TNS3: variants seen among roughly 807,000 people sequenced by gnomAD.
TNS3 encodes the protein tensin-3.
A neutral mutation model predicts 140.9 loss-of-function variants in TNS3; 45 were observed. The ratio of observed to expected loss-of-function variants is 0.32; its 90% CI spans 0.25 to 0.41. The LOEUF is 0.41. TNS3 is among the 10% of genes least tolerant of loss of function. The pLI is 1.00. For synonymous variants in TNS3, 815 were observed against 788.4 expected, an observed-to-expected ratio of 1.03 and a Z score of -0.56; for missense variants, 1,716 against 1,906.7, an observed-to-expected ratio of 0.90 and a Z score of 1.86.
intron 3 of TNS3, among the ~76,000 whole-genome samples, chr7:47,482,020 G>C (rs1797438467): frequency 6.6e-6 from 1 of 152,216 alleles, no homozygotes; most frequent in East Asian, 1.9e-4. Context: ...GGCTAAGGGA[G>C]CCAGGCAGGC....
intron 10 of TNS3, among the ~76,000 whole-genome samples, chr7:47,419,992 T>C (rs1184791909): frequency 6.6e-6 from 1 of 152,196 alleles, no homozygotes. Flanking sequence ...CTGCATGAAT[T>C]AAACTCTTTC....
chr7:47,360,270 C>T (rs1275830647), intron 17 of TNS3, among the ~76,000 whole-genome samples: 2 of 152,132 alleles, frequency 1.3e-5, no homozygotes, highest in Admixed American at 6.5e-5. Context: ...CCTAAAGCAT[C>T]GGGGTCTGAA....
intron 3 of TNS3, among the ~76,000 whole-genome samples, chr7:47,501,903 A>C (rs546136326): frequency 5.3e-5 from 8 of 152,292 alleles, no homozygotes; most frequent in African/African-American, 1.9e-4. Context: ...GATGCAGCCC[A>C]AGAGGAGTGA....
intron 1 of TNS3, among the ~76,000 whole-genome samples, chr7:47,562,938 C>T (rs557300314): frequency 6.6e-6 from 1 of 152,064 alleles, no homozygotes; most frequent in Non-Finnish European, 1.5e-5. Context: ...TCCATGAGTG[C>T]CTGGGGATAA....
intron 20 of TNS3, among the ~76,000 whole-genome samples, chr7:47,324,696 G>A (rs1787931479): frequency 6.6e-6 from 1 of 152,158 alleles, no homozygotes; most frequent in South Asian, 2.1e-4. Context: ...AGGTTGCAGT[G>A]AGCCAAGATC....
Position 47,301,633 on chromosome 7 carries a change from G to GA in TNS3, c.3544+552dup, listed in dbSNP as rs113898295. 9.5e-3 allele frequency among the ~76,000 whole-genome samples: 910 copies of GA among 95,806 alleles called. 1 individual carries two copies. Among genetic ancestry groups the GA allele is most frequent in the African/African-American group, 0.018 (558 of 31,542 alleles). 62.9% of individuals were successfully genotyped at this position (95,806 alleles called of 152,430 possible). A position where few individuals can be genotyped will look rare whatever the true frequency, so the allele number is the denominator to read the frequency against. On this transcript the variant is annotated intron_variant, in intron 23 of 30. Coordinates refer to ENST00000311160, the MANE Select transcript of TNS3 (RefSeq NM_022748.12). ...AATTAGTATTAATGATTTCAAATTA[G>GA]AAAAAAAAAAAAAAAAAGCCTGACA...
At chr7:47,482,641 C>A (rs1584751495) in intron 3 of TNS3, among the ~76,000 whole-genome samples, 2 of 152,142 alleles carry the variant, frequency 1.3e-5, no homozygotes, top group Admixed American at 1.3e-4. Context: ...CTTGTTGCCT[C>A]ACTCCACATG....
At chr7:47,364,439 T>G (rs1400271559) in intron 17 of TNS3, among the ~76,000 whole-genome samples, 1 of 152,140 alleles carries the variant, frequency 6.6e-6, no homozygotes, top group Non-Finnish European at 1.5e-5. Flanking sequence ...TGCACCACCA[T>G]GCCTGACCAA....
chr7:47,458,956 C>T (rs923394365), intron 4 of TNS3, among the ~76,000 whole-genome samples: 1 of 152,198 alleles, frequency 6.6e-6, no homozygotes, highest in African/African-American at 2.4e-5. Flanking sequence ...AGATAACCAA[C>T]TTTAGCCAGA....
intron 1 of TNS3, among the ~76,000 whole-genome samples, chr7:47,580,133 G>A (rs1266997037): frequency 1.3e-5 from 2 of 152,192 alleles, no homozygotes; most frequent in African/African-American, 4.8e-5. Context: ...CCTCAGCTGA[G>A]GAATCGCTGT....
At chr7:47,499,104 T>C (rs980413373) in intron 3 of TNS3, among the ~76,000 whole-genome samples, 4 of 152,220 alleles carry the variant, frequency 2.6e-5, no homozygotes, top group Non-Finnish European at 5.9e-5. Flanking sequence ...ATAATTGTGC[T>C]GACATGAAAA....
At chr7:47,364,018 C>T (rs1038654304) in intron 17 of TNS3, among the ~76,000 whole-genome samples, 2 of 152,038 alleles carry the variant, frequency 1.3e-5, no homozygotes, top group Non-Finnish European at 2.9e-5. Flanking sequence ...AGCAGCATCC[C>T]CAACCTTCTG....
At chr7:47,363,312 C>T (rs1790502649) in intron 17 of TNS3, among the ~76,000 whole-genome samples, 1 of 151,474 alleles carries the variant, frequency 6.6e-6, no homozygotes, top group African/African-American at 2.4e-5. Context: ...TCATCATCAC[C>T]ATCACCATCA....
chr7:47,497,637 G>A (rs939774424), intron 3 of TNS3, among the ~76,000 whole-genome samples: 3 of 149,088 alleles, frequency 2.0e-5, no homozygotes, highest in South Asian at 2.1e-4. Context: ...ATAAGTATTC[G>A]CCTAGTACAG....
chr7:47,517,566 T>C (rs1798821095), intron 2 of TNS3, among the ~76,000 whole-genome samples: 1 of 152,214 alleles, frequency 6.6e-6, no homozygotes, highest in Non-Finnish European at 1.5e-5. Flanking sequence ...ATTCCACCAG[T>C]ATTCATTAAT....
chr7:47,377,136 T>C (rs6964472), intron 16 of TNS3, among the ~76,000 whole-genome samples: 111,533 of 152,108 alleles, frequency 0.73, 41,639 homozygotes, highest in Non-Finnish European at 0.82. Flanking sequence ...CTTGGGGCCG[T>C]CCAGCTGAAT....
At chr7:47,384,756 C>G (rs1439227403) in intron 16 of TNS3, among the ~76,000 whole-genome samples, 3 of 152,146 alleles carry the variant, frequency 2.0e-5, no homozygotes, top group Non-Finnish European at 4.4e-5. Context: ...ATGTTTAACT[C>G]CAGCACCAAA....
intron 1 of TNS3, among the ~76,000 whole-genome samples, chr7:47,546,640 T>TAA (rs34208745): frequency 3.7e-4 from 56 of 150,010 alleles, no homozygotes; most frequent in African/African-American, 1.2e-3. Flanking sequence ...CCTCCTTATT[T>TAA]AAAAAAAAAA....
chr7:47,574,141 T>A (rs1421240610), intron 1 of TNS3, among the ~76,000 whole-genome samples: 1 of 152,178 alleles, frequency 6.6e-6, no homozygotes, highest in East Asian at 1.9e-4. Flanking sequence ...GGCTCTGGCA[T>A]GTGGTTCCCA....
Sources: gnomAD v4.1 joint callset for allele counts (sites outside exome capture counted in the v4.1 genomes callset) on GRCh38, gnomAD v4.1.1 for gene constraint, MANE v1.5 for transcripts, NCBI Gene and HGNC (gene_info 2026-07-23, HGNC 2026-07-21) for gene names.